The following VWA8 variants were observed in gnomAD, a reference collection of about 807,000 sequenced individuals.
The protein encoded by VWA8 is von Willebrand factor A domain containing 8, also known as von Willebrand factor A domain-containing protein 8.
VWA8 carries 221 observed loss-of-function variants against 241.5 expected under a neutral mutation model. The ratio of observed to expected loss-of-function variants is 0.91; its 90% confidence interval spans 0.82 to 1.02. VWA8 has a LOEUF of 1.02. VWA8 is among the 50% of genes least tolerant of loss of function. The pLI, the probability that VWA8 is intolerant of heterozygous loss-of-function variation, is 0.00. For missense variants in VWA8, 2,322 were observed against 2,328.7 expected (o/e 1.00, Z 0.06); for synonymous variants, 852 against 827.1 (o/e 1.03, Z -0.52).
intron 37 of VWA8, among the ~76,000 whole-genome samples, chr13:41,638,588 T>C (rs2044774539): frequency 6.6e-6 from 1 of 151,934 alleles, no homozygotes; most frequent in African/African-American, 2.4e-5. Flanking sequence ...CAGGGCTAAA[T>C]AAGATGATGA....
At chr13:41,955,024 C>T (rs1878293579) in intron 1 of VWA8, among the ~76,000 whole-genome samples, 1 of 152,038 alleles carries the variant, frequency 6.6e-6, no homozygotes, top group African/African-American at 2.4e-5. Flanking sequence ...TCCCCAATAC[C>T]TGAAACCTAC....
Position 41,882,255 on chromosome 13 carries a change from G to A in VWA8, c.1080+1132C>T, listed in dbSNP as rs1874265045. Among the ~76,000 whole-genome samples the A allele has an allele frequency of 2.6e-5, 4 of 151,414 alleles. No homozygotes were observed. In the South Asian group the frequency reaches 6.3e-4, roughly 24 times the overall value. On this transcript the variant is annotated intron_variant, in intron 9 of 44. Coordinates refer to ENST00000379310, the MANE Select transcript of VWA8 (RefSeq NM_015058.2). ...ACTTCCTAGATGGGATGGCGACCGG[G>A]AAGAGGCGCTCGTCACTTCCTAGAT...
At chr13:41,573,137 C>CAGG (rs1439132351) in intron 43 of VWA8, among the ~76,000 whole-genome samples, 1 of 150,026 alleles carries the variant, frequency 6.7e-6, no homozygotes, top group Non-Finnish European at 1.5e-5. Flanking sequence ...AGAAACAAGC[C>CAGG]AGGCACGGTG....
At chr13:41,856,217 T>G (rs564584456) in intron 12 of VWA8, among the ~76,000 whole-genome samples, 7 of 152,026 alleles carry the variant, frequency 4.6e-5, no homozygotes, top group Non-Finnish European at 8.8e-5. Context: ...ACATCTGTAA[T>G]CCCAGCTACT....
At chr13:41,720,460 T>C (rs1252629527) in intron 25 of VWA8, among the ~76,000 whole-genome samples, 2 of 152,188 alleles carry the variant, frequency 1.3e-5, no homozygotes, top group Non-Finnish European at 2.9e-5. Flanking sequence ...CAATGTGATA[T>C]TCCAATGTAT....
At chr13:41,747,548 G>A (rs569311384) in intron 21 of VWA8, among the ~76,000 whole-genome samples, 112 of 152,180 alleles carry the variant, frequency 7.4e-4, no homozygotes, top group Non-Finnish European at 1.3e-3. Flanking sequence ...CTGCAAACAG[G>A]GACAATTTGA....
At chr13:41,868,257 A>G in intron 10 of VWA8, 89 bp downstream of exon 10, 1 of 1,417,052 alleles carries the variant, frequency 7.1e-7, no homozygotes, top group East Asian at 2.3e-5. Context: ...AAGAGAGAAG[A>G]CTTACAAGGA....
intron 15 of VWA8, 59 bp downstream of exon 15, chr13:41,819,159 G>A: frequency 1.3e-6 from 2 of 1,516,172 alleles, no homozygotes; most frequent in Non-Finnish European, 1.8e-6. Flanking sequence ...ATGTATCAGA[G>A]TGCCTTAAAA....
chr13:41,898,431 G>A (rs1392285545), intron 4 of VWA8, among the ~76,000 whole-genome samples: 1 of 152,172 alleles, frequency 6.6e-6, no homozygotes, highest in Non-Finnish European at 1.5e-5. Flanking sequence ...CTAGACACCC[G>A]GTGCTGATTG....
chr13:41,936,348 G>A (rs1262712741), intron 2 of VWA8, among the ~76,000 whole-genome samples: 1 of 152,046 alleles, frequency 6.6e-6, no homozygotes, highest in Non-Finnish European at 1.5e-5. Flanking sequence ...TGTTGTGCCT[G>A]TTTAAATCCT....
At chr13:41,941,558 G>T (rs1439711486) in intron 2 of VWA8, among the ~76,000 whole-genome samples, 2 of 152,120 alleles carry the variant, frequency 1.3e-5, no homozygotes, top group Non-Finnish European at 2.9e-5. Context: ...TAGATGAAAT[G>T]CATACAGAAT....
At chr13:41,632,425 A>T (rs1261241134) in intron 37 of VWA8, among the ~76,000 whole-genome samples, 1 of 152,192 alleles carries the variant, frequency 6.6e-6, no homozygotes, top group Non-Finnish European at 1.5e-5. Context: ...GGGGGATTTA[A>T]TATGACCCAG....
Position 41,958,403 on chromosome 13 carries a change from A to G in VWA8, c.163+2450T>C, listed in dbSNP as rs189323650. 4.4e-3 allele frequency among the ~76,000 whole-genome samples: 664 copies of G among 152,332 alleles called. 13 individuals are homozygous for G. Among genetic ancestry groups the G allele is most frequent in the South Asian group, 8.3e-3 (40 of 4,828 alleles). On this transcript the variant is annotated intron_variant, in intron 1 of 44. Coordinates refer to ENST00000379310, the MANE Select transcript of VWA8 (RefSeq NM_015058.2). ...AATAACAGCAGTATATAACTTAAATATATTATTTATGAACTTTGTTGTTCT... is the reference window on the plus strand; with the variant it reads ...AATAACAGCAGTATATAACTTAAATGTATTATTTATGAACTTTGTTGTTCT...
At chr13:41,665,419 T>C (rs1374902260) in intron 37 of VWA8, among the ~76,000 whole-genome samples, 1 of 152,132 alleles carries the variant, frequency 6.6e-6, no homozygotes, top group Non-Finnish European at 1.5e-5. Context: ...TTGAACACTA[T>C]AAATTTCATG....
chr13:41,771,478 A>C (rs1277568415), intron 20 of VWA8, among the ~76,000 whole-genome samples: 1 of 152,162 alleles, frequency 6.6e-6, no homozygotes, highest in Non-Finnish European at 1.5e-5. Flanking sequence ...AACATTCCTA[A>C]AATATGTTTT....
intron 12 of VWA8, among the ~76,000 whole-genome samples, chr13:41,842,095 G>A (rs1872083586): frequency 6.6e-6 from 1 of 151,748 alleles, no homozygotes; most frequent in Admixed American, 6.6e-5. Flanking sequence ...CATTGACTTT[G>A]TAATACAGTA....
At chr13:41,883,248 G>A in intron 9 of VWA8, 139 bp downstream of exon 9, 1 of 619,176 alleles carries the variant, frequency 1.6e-6, no homozygotes, top group Non-Finnish European at 2.8e-6. Context: ...GGTAAAGAAT[G>A]GAGGGGAAGG....
intron 4 of VWA8, among the ~76,000 whole-genome samples, chr13:41,906,491 A>C (rs563466099): frequency 1.3e-5 from 2 of 152,210 alleles, no homozygotes; most frequent in South Asian, 4.1e-4. Context: ...TTTTTCACTT[A>C]ATTTATCCTG....
intron 21 of VWA8, among the ~76,000 whole-genome samples, chr13:41,747,981 G>A (rs1191764060): frequency 6.6e-6 from 1 of 152,158 alleles, no homozygotes; most frequent in Non-Finnish European, 1.5e-5. Context: ...TTTTTGATGT[G>A]CTGCTGGATT....
Sources: allele counts gnomAD v4.1 joint callset (sites outside exome capture counted in the v4.1 genomes callset), GRCh38; gene constraint gnomAD v4.1.1; transcripts MANE v1.5; gene names NCBI Gene and HGNC (gene_info 2026-07-23, HGNC 2026-07-21).